Variants in LYN observed in about 807,000 individuals in gnomAD.
LYN encodes the protein LYN proto-oncogene, Src family tyrosine kinase.
A neutral mutation model predicts 65.0 loss-of-function variants in LYN; 12 were observed. The ratio of observed to expected loss-of-function variants is 0.18; its 90% CI spans 0.12 to 0.30. The LOEUF (loss-of-function observed/expected upper bound fraction) is 0.30. LYN is among the 10% of genes least tolerant of loss of function. LYN has a pLI of 1.00. For synonymous variants in LYN, 222 were observed against 221.2 expected (o/e 1.00, Z -0.03); for missense variants, 380 against 623.2 (o/e 0.61, Z 4.16).
intron 1 of LYN, among the ~76,000 whole-genome samples, chr8:55,887,575 T>C (rs111647306): frequency 0.11 from 10,068 of 93,678 alleles, 758 homozygotes; most frequent in South Asian, 0.17. Context: ...TATATATATA[T>C]ACACACACAC....
Position 55,918,462 on chromosome 8 carries a change from A to G in LYN, c.-5-23393A>G, listed in dbSNP as rs867821908. Among the ~76,000 whole-genome samples the G allele has an allele frequency of 3.9e-5, 6 of 152,392 alleles. No individual in the cohort carries two copies. The South Asian group carries it at 1.0e-3, about 26-fold the overall frequency. ...TTCTTACAAGCTCTAATGTGCAGCC[A>G]GGATTAAGAATCATTGCCTTCTGCA... On this transcript the variant is annotated intron_variant, in intron 1 of 12. Transcript: ENST00000519728.
At chr8:55,946,417 AT>A (rs761466016) in intron 2 of LYN, 30 bp from the exon 3 acceptor site, 109 of 1,499,506 alleles carry the variant, frequency 7.3e-5, no homozygotes, top group Admixed American at 1.4e-4. Context: ...GCTAAACAGA[AT>A]TTTTTTTTCT....
rs780495947 is a variant in LYN at position 55,999,375 on chromosome 8, A to T, written c.1205-43A>T. On this transcript the variant is annotated intron_variant, in intron 11 of 12. Transcript: ENST00000519728. ...TCACATGTTCATGACTTTTTTGTTT[A>T]AGTTTAAATACCCAAGTAAGAACCA... 5.7e-6 allele frequency: 9 copies of T among 1,573,814 alleles called. No individual in the cohort carries two copies. The Admixed American group carries it at 7.5e-5, about 13-fold the overall frequency.
At chr8:55,888,249 A>G (rs991858090) in intron 1 of LYN, among the ~76,000 whole-genome samples, 2 of 152,290 alleles carry the variant, frequency 1.3e-5, no homozygotes, top group Middle Eastern at 3.4e-3. Context: ...ACACCCTGGA[A>G]GAAGGGGCTT....
rs961510393 is a variant in LYN at position 56,012,841 on chromosome 8, T to A, written c.*2731T>A. 6.6e-6 allele frequency: 1 copy of A among 152,212 alleles called. No individual in the cohort carries two copies. Among genetic ancestry groups the A allele is most frequent in the Non-Finnish European group, 1.5e-5 (1 of 68,060 alleles). The allele number at this position is 152,212 out of a possible 1,614,324, so 9.4% of individuals were successfully genotyped here. On this transcript the variant is annotated 3_prime_UTR_variant, in exon 13 of 13. Coordinates refer to ENST00000519728, the MANE Select transcript of LYN (RefSeq NM_002350.4). ...CCAGCCTTCTTTTTCCTCAGATGGT[T>A]TCATTTCTCAAAGGGGAGTGGAAGA... is the stretch of plus-strand genomic sequence containing the variant.
Position 55,953,860 on chromosome 8 carries a change from G to A in LYN, c.666G>A (p.Leu222=), listed in dbSNP as rs767630196. The A allele has an allele frequency of 2.9e-5, 47 of 1,613,918 alleles. No individual in the cohort carries two copies. Among genetic ancestry groups the A allele is most frequent in the Non-Finnish European group, 3.8e-5 (45 of 1,180,002 alleles). ...QKQADGLCRR[L]EKACISPKPQ... Reference sequence around the variant, plus strand: ...AGGCAGATGGCTTGTGCAGAAGATTGGAGAAGGCTTGTATTAGTCCCAAGC... The same window carrying A: ...AGGCAGATGGCTTGTGCAGAAGATTAGAGAAGGCTTGTATTAGTCCCAAGC... Residue 222 remains leucine (L), a synonymous_variant, in exon 8 of 13, where the codon TTG becomes TTA. Coordinates refer to ENST00000519728, the MANE Select transcript of LYN (RefSeq NM_002350.4).
intron 10 of LYN, among the ~76,000 whole-genome samples, chr8:55,984,567 G>A (rs962282661): frequency 3.3e-5 from 5 of 152,186 alleles, no homozygotes; most frequent in African/African-American, 9.7e-5. Flanking sequence ...TACCCTCAAA[G>A]TAGATTCACC....
At chr8:55,957,181 A>T (rs981465768) in intron 8 of LYN, among the ~76,000 whole-genome samples, 1 of 133,924 alleles carries the variant, frequency 7.5e-6, no homozygotes, top group Non-Finnish European at 1.6e-5. Context: ...AAGTGGACAA[A>T]CTCCAATCTT....
chr8:55,947,035 G>A (rs1178841888), intron 3 of LYN, among the ~76,000 whole-genome samples: 1 of 152,176 alleles, frequency 6.6e-6, no homozygotes, highest in African/African-American at 2.4e-5. Context: ...ATCACCTGTG[G>A]TCAGGAGTTC....
chr8:55,982,620 A>G lies in LYN; in HGVS notation c.1050+12827A>G, dbSNP rs75255237. On this transcript the variant is annotated intron_variant, in intron 10 of 12. Transcript: ENST00000519728. ...ACTGCTGTGGTCCTCGGATCCCCGA[A>G]CACTCCTCCTTGCTGTGGTCAGCTC... 7.7e-3 allele frequency among the ~76,000 whole-genome samples: 1,174 copies of G among 152,206 alleles called. 19 individuals are homozygous for G. The highest frequency in any genetic ancestry group is 0.026 in the African/African-American group (1,096 of 41,524).
At chr8:55,954,124 T>C (rs996984588) in intron 8 of LYN, 140 bp downstream of exon 8, 93 of 934,944 alleles carry the variant, frequency 9.9e-5, no homozygotes, top group African/African-American at 7.5e-4. Context: ...CCTCTGTCCA[T>C]TGGGGCTGAG....
chr8:55,933,995 AG>A (rs1320599778), intron 1 of LYN, among the ~76,000 whole-genome samples: 3 of 152,330 alleles, frequency 2.0e-5, no homozygotes, highest in Admixed American at 2.0e-4. Flanking sequence ...TGGGAGGCCA[AG>A]GCGGGCGGAT....
intron 1 of LYN, among the ~76,000 whole-genome samples, chr8:55,933,760 T>C (rs1806334312): frequency 6.6e-6 from 1 of 152,248 alleles, no homozygotes; most frequent in Non-Finnish European, 1.5e-5. Flanking sequence ...TTCTCTGTTC[T>C]AGATGCCAAT....
At chr8:55,896,580 A>C (rs1396931183) in intron 1 of LYN, among the ~76,000 whole-genome samples, 1 of 152,042 alleles carries the variant, frequency 6.6e-6, no homozygotes, top group African/African-American at 2.4e-5. Context: ...GGTACAGCAA[A>C]CCACCATGGC....
intron 1 of LYN, among the ~76,000 whole-genome samples, chr8:55,884,097 TTTTG>T (rs1431658967): frequency 6.6e-6 from 1 of 152,188 alleles, no homozygotes; most frequent in African/African-American, 2.4e-5. Flanking sequence ...GTTGTTGTTG[TTTTG>T]TTTGTTCTTC....
At chr8:55,933,868 AT>A (rs1201769750) in intron 1 of LYN, among the ~76,000 whole-genome samples, 2 of 145,646 alleles carry the variant, frequency 1.4e-5, no homozygotes, top group Non-Finnish European at 3.0e-5. Flanking sequence ...GCCCCTTCAC[AT>A]TGTGGATAAC....
intron 10 of LYN, among the ~76,000 whole-genome samples, chr8:55,970,237 C>T (rs967690865): frequency 2.6e-5 from 4 of 152,182 alleles, no homozygotes; most frequent in Non-Finnish European, 2.9e-5. Context: ...CTTTCCTGCT[C>T]CTCTTCTCGC....
chr8:55,990,258 A>T (rs970134466), intron 10 of LYN, among the ~76,000 whole-genome samples: 2 of 151,546 alleles, frequency 1.3e-5, no homozygotes, highest in African/African-American at 4.8e-5. Context: ...AAAAAAAAAA[A>T]AAAAAGTCCT....
At chr8:55,886,969 A>G (rs1338079023) in intron 1 of LYN, among the ~76,000 whole-genome samples, 4 of 152,200 alleles carry the variant, frequency 2.6e-5, no homozygotes, top group Non-Finnish European at 5.9e-5. Context: ...ATCAAACAGT[A>G]TATTTGTATC....
Sources: gnomAD v4.1 joint callset for allele counts (sites outside exome capture counted in the v4.1 genomes callset) on GRCh38, gnomAD v4.1.1 for gene constraint, MANE v1.5 for transcripts, NCBI Gene and HGNC (gene_info 2026-07-23, HGNC 2026-07-21) for gene names.